Variants in DNAH11 observed in about 807,000 individuals in gnomAD.
DNAH11 encodes the protein dynein axonemal heavy chain 11.
Under a neutral mutation model 526.0 loss-of-function variants are expected in DNAH11, and 442 were observed. The observed-to-expected ratio is 0.84, with a 90% CI of 0.78 to 0.91. DNAH11 has a LOEUF of 0.91. Ranked by LOEUF, DNAH11 falls within the 40% of genes least tolerant of loss-of-function variation. DNAH11 has a pLI of 0.00. For synonymous variants in DNAH11, 2,461 were observed against 1,935.9 expected (o/e 1.27, Z -7.12); for missense variants, 6,989 against 5,448.7 (o/e 1.28, Z -8.90).
chr7:21,577,401 G>A (rs6970667), intron 8 of DNAH11, among the ~76,000 whole-genome samples: 23,427 of 152,078 alleles, frequency 0.15, 2,415 homozygotes, highest in East Asian at 0.5. Context: ...GACCACATAG[G>A]GAGCCATGAT....
At chr7:21,826,610 C>G (rs1397490449) in intron 65 of DNAH11, among the ~76,000 whole-genome samples, 2 of 148,418 alleles carry the variant, frequency 1.3e-5, no homozygotes, top group Non-Finnish European at 3.0e-5. Flanking sequence ...TTTTTTTTTT[C>G]CTATGTGACT....
intron 35 of DNAH11, among the ~76,000 whole-genome samples, chr7:21,693,928 C>G (rs1199813316): frequency 6.6e-6 from 1 of 152,178 alleles, no homozygotes; most frequent in Non-Finnish European, 1.5e-5. Context: ...GCATGTCTTA[C>G]AAGGTGGACC....
chr7:21,785,722 T>G lies in DNAH11; in HGVS notation c.9598-902T>G, dbSNP rs369388450. On this transcript the variant is annotated intron_variant, in intron 58 of 81. Transcript: ENST00000409508. ...ATATGTATAAGTTATAAAAGAATCTTGGTTAGCCAGCTCTCAATTCTTACT... is the reference window on the plus strand; with the variant it reads ...ATATGTATAAGTTATAAAAGAATCTGGGTTAGCCAGCTCTCAATTCTTACT... 2.9e-4 allele frequency among the ~76,000 whole-genome samples: 44 copies of G among 152,328 alleles called. 1 individual carries two copies. Among genetic ancestry groups the G allele is most frequent in the African/African-American group, 1.0e-3 (42 of 41,588 alleles).
chr7:21,551,442 C>G (rs2128427709), intron 2 of DNAH11, among the ~76,000 whole-genome samples: 1 of 152,306 alleles, frequency 6.6e-6, no homozygotes, highest in African/African-American at 2.4e-5. Flanking sequence ...CTTTCCGCTG[C>G]TATTTATTAG....
chr7:21,824,611 C>G (rs1005027582), intron 65 of DNAH11, among the ~76,000 whole-genome samples: 1 of 152,118 alleles, frequency 6.6e-6, no homozygotes, highest in Non-Finnish European at 1.5e-5. Context: ...AAAATATGCT[C>G]AACATCATTA....
chr7:21,550,272 T>C (rs953817772), intron 2 of DNAH11, among the ~76,000 whole-genome samples: 1 of 152,162 alleles, frequency 6.6e-6, no homozygotes, highest in Non-Finnish European at 1.5e-5. Context: ...GCTTGTCTTC[T>C]TTCCAAGTCT....
intron 44 of DNAH11, among the ~76,000 whole-genome samples, chr7:21,721,708 C>G (rs763058174): frequency 3.3e-5 from 5 of 152,064 alleles, no homozygotes; most frequent in African/African-American, 1.2e-4. Context: ...GTCCCAAGGC[C>G]CCACCACCAA....
At chr7:21,894,576 G>A (rs761458899) in intron 77 of DNAH11, 47 bp from the exon 78 acceptor site, 21 of 1,588,536 alleles carry the variant, frequency 1.3e-5, no homozygotes, top group South Asian at 2.3e-5. Flanking sequence ...TCACCATGAC[G>A]AAAACTGAAA....
Position 21,745,508 on chromosome 7 carries a change from A to G in DNAH11, c.8510+445A>G, listed in dbSNP as rs149843279. On this transcript the variant is annotated intron_variant, in intron 51 of 81. Coordinates refer to ENST00000409508, the MANE Select transcript of DNAH11 (RefSeq NM_001277115.2). ...AAAGGCATCTGTCCTTGGATAGAGC[A>G]TGGCTGACAAGGTTCTCGCTCACCT... Among the ~76,000 whole-genome samples the G allele has an allele frequency of 7.9e-5, 12 of 152,338 alleles. 1 individual carries two copies. Among genetic ancestry groups the G allele is most frequent in the Middle Eastern group, 6.8e-3 (2 of 294 alleles).
intron 73 of DNAH11, among the ~76,000 whole-genome samples, chr7:21,869,938 G>C (rs927514523): frequency 6.6e-6 from 1 of 152,198 alleles, no homozygotes; most frequent in Admixed American, 6.5e-5. Context: ...GGAATGTGCT[G>C]ACTCCATCCA....
chr7:21,775,700 A>G (rs1025915954), intron 56 of DNAH11, among the ~76,000 whole-genome samples: 1 of 151,800 alleles, frequency 6.6e-6, no homozygotes, highest in Non-Finnish European at 1.5e-5. Flanking sequence ...TCTCCATGTC[A>G]GTTTTCTTCT....
Position 21,615,252 on chromosome 7 carries a change from G to A in DNAH11, c.3991G>A (p.Asp1331Asn), listed in dbSNP as rs746665980. 5 of 1,611,952 alleles carry A rather than the reference G, an allele frequency of 3.1e-6. No homozygotes were observed. The highest frequency in any genetic ancestry group is 2.7e-5 in the African/African-American group (2 of 74,872). The change falls in exon 21 of 82, where the codon GAT becomes AAT. Residue 1331 changes from aspartate (D) to asparagine (N), a missense_variant. Coordinates refer to ENST00000409508, the MANE Select transcript of DNAH11 (RefSeq NM_001277115.2). Reference sequence around the variant, plus strand: ...AATAAAATTGCTCAAGGGACTGTGGGATGTCATTATTTATGTTCGAGTAAG... The same window carrying A: ...AATAAAATTGCTCAAGGGACTGTGGAATGTCATTATTTATGTTCGAGTAAG... The part of the protein sequence containing the change: ...KEIKLLKGLW[D>N]VIIYVRRSID...
chr7:21,779,169 GA>G lies in DNAH11; in HGVS notation c.9483+67del. ...TAGCACAAAATAAACCTTGGTAGGT[GA>G]ACAATTTTGAACAACTTCCTCTCCA... On this transcript the variant is annotated intron_variant, in intron 57 of 81. Coordinates refer to ENST00000409508, the MANE Select transcript of DNAH11 (RefSeq NM_001277115.2). 1.3e-5 allele frequency: 19 copies of G among 1,510,994 alleles called. 1 individual carries two copies. In the South Asian group the frequency reaches 2.4e-4, roughly 19 times the overall value. 93.6% of individuals were successfully genotyped at this position (1,510,994 alleles called of 1,614,324 possible).
At position 21,900,104 on chromosome 7, in the gene DNAH11, C is replaced by A. The variant is rs780416768; in HGVS notation, c.13287C>A (p.His4429Gln). 1.2e-6 allele frequency: 2 copies of A among 1,613,538 alleles called. No individual in the cohort carries two copies. The highest frequency in any genetic ancestry group is 1.7e-6 in the Non-Finnish European group (2 of 1,179,680). Residue 4429 changes from histidine to glutamine, a missense_variant, in exon 81 of 82, where the codon CAC becomes CAA. His to Gln is a conservative substitution (Grantham distance 24, BLOSUM62 0). Transcript: ENST00000409508. ...CGCCAAGGGAAGGTGCATACCTCCA[C>A]GGACTCTTCATGGAGGGTAAGACAC... is the stretch of plus-strand genomic sequence containing the variant. ...GHPPREGAYLHGLFMEGARWD... is the reference protein window; with the variant it reads ...GHPPREGAYLQGLFMEGARWD...
chr7:21,795,861 A>C (rs1220284405), intron 61 of DNAH11, among the ~76,000 whole-genome samples: 1 of 152,218 alleles, frequency 6.6e-6, no homozygotes, highest in Non-Finnish European at 1.5e-5. Flanking sequence ...TTGGGTGCTC[A>C]GGAAAGGTTT....
intron 9 of DNAH11, among the ~76,000 whole-genome samples, chr7:21,582,316 T>A (rs1355212407): frequency 6.6e-6 from 1 of 152,238 alleles, no homozygotes; most frequent in East Asian, 1.9e-4. Context: ...GATTCAAAAT[T>A]AAGTCACAGT....
intron 81 of DNAH11, chr7:21,900,765 A>T (rs1332641705): frequency 2.5e-6 from 1 of 404,918 alleles, no homozygotes; most frequent in East Asian, 4.3e-5. Flanking sequence ...CATTTCATAA[A>T]ATCAGCTTAC....
chr7:21,609,890 G>A (rs1184276956), intron 20 of DNAH11, among the ~76,000 whole-genome samples: 1 of 152,180 alleles, frequency 6.6e-6, no homozygotes, highest in Admixed American at 6.5e-5. Flanking sequence ...GGCTAGGGAA[G>A]GTCTGCAGCC....
intron 60 of DNAH11, among the ~76,000 whole-genome samples, chr7:21,787,845 A>T (rs1282574044): frequency 1.3e-5 from 2 of 152,186 alleles, no homozygotes; most frequent in East Asian, 1.9e-4. Context: ...GAAAACTTTT[A>T]TATGAATTTT....
Sources: gnomAD v4.1 joint callset for allele counts (sites outside exome capture counted in the v4.1 genomes callset) on GRCh38, gnomAD v4.1.1 for gene constraint, MANE v1.5 for transcripts, NCBI Gene and HGNC (gene_info 2026-07-23, HGNC 2026-07-21) for gene names.